Variants in ASXL2 observed in about 807,000 individuals in gnomAD.
The protein encoded by ASXL2 is putative Polycomb group protein ASXL2.
A neutral mutation model predicts 122.0 loss-of-function variants in ASXL2; 23 were observed. The ratio of observed to expected loss-of-function variants is 0.19; its 90% confidence interval spans 0.14 to 0.27. The LOEUF is 0.27. ASXL2 is among the 10% of genes least tolerant of loss of function. ASXL2 has a pLI of 1.00. For synonymous variants in ASXL2, 650 were observed against 637.0 expected, an observed-to-expected ratio of 1.02 and a Z score of -0.31; for missense variants, 1,518 against 1,713.8, an observed-to-expected ratio of 0.89 and a Z score of 2.02.
At chr2:25,803,521 T>C (rs1215867328) in intron 4 of ASXL2, among the ~76,000 whole-genome samples, 1 of 152,132 alleles carries the variant, frequency 6.6e-6, no homozygotes, top group Non-Finnish European at 1.5e-5. Context: ...GATAGATAGA[T>C]AGCATCAGAA....
intron 1 of ASXL2, among the ~76,000 whole-genome samples, chr2:25,852,544 A>C (rs2089728710): frequency 6.6e-6 from 1 of 152,252 alleles, no homozygotes; most frequent in Non-Finnish European, 1.5e-5. Context: ...TATCAGTGTT[A>C]AAAGGCTCAT....
chr2:25,767,529 A>G (rs1248263201), intron 8 of ASXL2, 54 bp downstream of exon 8: 2 of 1,574,506 alleles, frequency 1.3e-6, no homozygotes. Flanking sequence ...AATTTCAAAC[A>G]TGTAGCTGAT....
intron 2 of ASXL2, among the ~76,000 whole-genome samples, chr2:25,838,998 A>C (rs1326705253): frequency 1.3e-5 from 2 of 152,238 alleles, no homozygotes; most frequent in Admixed American, 1.3e-4. Context: ...TGTAATAATG[A>C]GAATAGGGGT....
chr2:25,795,775 C>T (rs930548556), intron 5 of ASXL2, among the ~76,000 whole-genome samples: 1 of 151,318 alleles, frequency 6.6e-6, no homozygotes, highest in Non-Finnish European at 1.5e-5. Context: ...TGAAAAGAAG[C>T]GAAAAAATTA....
In ASXL2 at chr2:25,808,707, A is replaced by G. The variant is rs2089120601; in HGVS notation, c.144-2370T>C. ...TGTTTTTTGGAGAGACCTGTTCTTT[A>G]TTTCAAAAAGACACTTGTGTCAATA... On this transcript the variant is annotated intron_variant, in intron 3 of 12. Coordinates refer to ENST00000435504, the MANE Select transcript of ASXL2 (RefSeq NM_018263.6). 3.3e-5 allele frequency among the ~76,000 whole-genome samples: 5 copies of G among 152,238 alleles called. 1 individual carries two copies. In the South Asian group the frequency reaches 1.0e-3, roughly 32 times the overall value.
intron 1 of ASXL2, among the ~76,000 whole-genome samples, chr2:25,852,796 G>T (rs2089731984): frequency 6.6e-6 from 1 of 152,210 alleles, no homozygotes; most frequent in African/African-American, 2.4e-5. Flanking sequence ...AATGTCAAAT[G>T]CTGCCTAGAA....
Position 25,750,335 on chromosome 2 carries a change from T to C in ASXL2, c.1221A>G (p.Glu407=), listed in dbSNP as rs1488366299. The C allele has an allele frequency of 1.2e-6, 2 of 1,613,862 alleles. No individual in the cohort carries two copies. The highest frequency in any genetic ancestry group is 1.7e-6 in the Non-Finnish European group (2 of 1,179,898). Reference sequence around the variant, plus strand: ...CTGACACAGGCATGGATTTTGGTTGTTCAGCTGGGGTTTTCTTTACTTTGG... The same window carrying C: ...CTGACACAGGCATGGATTTTGGTTGCTCAGCTGGGGTTTTCTTTACTTTGG... ...SDPKVKKTPA[E]QPKSMPVSEA... The change falls in exon 12 of 13, where the codon GAA becomes GAG. Residue 407 remains glutamate, a synonymous_variant. Transcript: ENST00000435504.
At chr2:25,805,900 C>T (rs1036365506) in intron 4 of ASXL2, among the ~76,000 whole-genome samples, 5 of 152,204 alleles carry the variant, frequency 3.3e-5, no homozygotes, top group African/African-American at 1.2e-4. Context: ...TGGTCGCAAA[C>T]TCCTGAGCTC....
chr2:25,743,217 T>G lies in ASXL2; in HGVS notation c.3120A>C (p.Ser1040=). ...TGCTGGAGTCCCTCAGCTCCTTAGC[T>G]GAAAAGAGCTGAAGGGGCCTTGGAA... ...PQVPRPLQLF[S]AKELRDSSID... The change falls in exon 13 of 13, where the codon TCA becomes TCC. Residue 1040 remains serine (S), a synonymous_variant. Transcript: ENST00000435504. The G allele has an allele frequency of 6.2e-7, 1 of 1,613,852 alleles. No individual in the cohort carries two copies. The highest frequency in any genetic ancestry group is 8.5e-7 in the Non-Finnish European group (1 of 1,179,794).
intron 3 of ASXL2, among the ~76,000 whole-genome samples, chr2:25,831,309 A>G (rs1468054998): frequency 6.6e-6 from 1 of 151,020 alleles, no homozygotes; most frequent in East Asian, 2.0e-4. Flanking sequence ...TCTCAAAAAA[A>G]AAAAAAAAAA....
rs1559497035 is a variant in ASXL2, at chr2:25,741,667, G to A, written c.*362C>T. The A allele has an allele frequency of 7.7e-6, 2 of 258,368 alleles. No individual in the cohort carries two copies. Among genetic ancestry groups the A allele is most frequent in the Non-Finnish European group, 1.5e-5 (2 of 132,896 alleles). The allele number at this position is 258,368 out of a possible 1,614,324, so 16.0% of individuals were successfully genotyped here. A position where few individuals can be genotyped will look rare whatever the true frequency, so the allele number is the denominator to read the frequency against. The stretch of plus-strand genomic sequence containing the variant: ...AAGGGAGACAGCTTCCTTTTACCAT[G>A]CCGGCATTAAACTTTTCTCAGTCAC... On this transcript the variant is annotated 3_prime_UTR_variant, in exon 13 of 13. Transcript: ENST00000435504.
chr2:25,876,882 A>G (rs1043990768), intron 1 of ASXL2, among the ~76,000 whole-genome samples: 8 of 152,246 alleles, frequency 5.3e-5, no homozygotes, highest in Non-Finnish European at 1.5e-5. Flanking sequence ...AAGTTTACAA[A>G]ACAAATGCAC....
chr2:25,851,576 T>A (rs1318728826), intron 1 of ASXL2, among the ~76,000 whole-genome samples: 2 of 152,232 alleles, frequency 1.3e-5, no homozygotes, highest in African/African-American at 4.8e-5. Flanking sequence ...TTTAAGCATG[T>A]TTACACTTAA....
intron 3 of ASXL2, among the ~76,000 whole-genome samples, chr2:25,834,091 G>A (rs1427546361): frequency 2.6e-5 from 4 of 152,102 alleles, no homozygotes; most frequent in Admixed American, 2.0e-4. Flanking sequence ...AGTGGCTCAC[G>A]CTTGTAATCC....
intron 5 of ASXL2, among the ~76,000 whole-genome samples, chr2:25,787,100 C>A (rs1190573701): frequency 1.3e-5 from 2 of 152,058 alleles, no homozygotes; most frequent in South Asian, 4.1e-4. Flanking sequence ...AATGTTGTTA[C>A]ATCCAGTGTC....
chr2:25,768,667 A>C, intron 7 of ASXL2, 75 bp downstream of exon 7: 1 of 1,508,736 alleles, frequency 6.6e-7, no homozygotes, highest in Non-Finnish European at 9.0e-7. Context: ...ATGATGTCAT[A>C]AACAAATCAG....
intron 5 of ASXL2, among the ~76,000 whole-genome samples, chr2:25,780,810 G>A (rs532062650): frequency 2.0e-5 from 3 of 152,160 alleles, no homozygotes; most frequent in South Asian, 2.1e-4. Flanking sequence ...ATGTTTGGCC[G>A]GGCGTGGTGG....
intron 5 of ASXL2, among the ~76,000 whole-genome samples, chr2:25,783,546 G>A (rs2088681923): frequency 6.6e-6 from 1 of 151,182 alleles, no homozygotes; most frequent in Non-Finnish European, 1.5e-5. Context: ...CTATCTATTA[G>A]TTTACTTTAT....
Position 25,753,529 on chromosome 2 carries a change from A to G in ASXL2, c.1142+5T>C, listed in dbSNP as rs2088083160. 1.9e-6 allele frequency: 3 copies of G among 1,609,700 alleles called. No homozygotes were observed. The highest frequency in any genetic ancestry group is 1.7e-6 in the Non-Finnish European group (2 of 1,176,828). ...TTTGGTTTATAGAACCTGTCCTAAT[A>G]TTACCTCTGCCCATAGTAGCTTTCA... On this transcript the variant is annotated splice_donor_5th_base_variant and intron_variant, in intron 11 of 12. Transcript: ENST00000435504.
Sources: allele counts gnomAD v4.1 joint callset (sites outside exome capture counted in the v4.1 genomes callset), GRCh38; gene constraint gnomAD v4.1.1; transcripts MANE v1.5; gene names NCBI Gene and HGNC (gene_info 2026-07-23, HGNC 2026-07-21).